Variants in ANKFN1 observed in about 807,000 individuals in gnomAD.
The protein encoded by ANKFN1 is ankyrin repeat and fibronectin type III domain containing 1.
ANKFN1 carries 74 observed loss-of-function variants against 108.7 expected under a neutral mutation model. The observed-to-expected ratio is 0.68, with a 90% CI of 0.56 to 0.83. ANKFN1 has a LOEUF of 0.83. Ranked by LOEUF, ANKFN1 falls within the 40% of genes least tolerant of loss-of-function variation. The pLI is 0.00. For synonymous variants in ANKFN1, 547 were observed against 516.2 expected (o/e 1.06, Z -0.81); for missense variants, 1,505 against 1,382.3 (o/e 1.09, Z -1.41).
intron 4 of ANKFN1, among the ~76,000 whole-genome samples, chr17:56,131,645 C>A (rs911820230): frequency 3.9e-5 from 6 of 152,120 alleles, no homozygotes; most frequent in Admixed American, 3.9e-4. Context: ...CTTCTGGACA[C>A]GGATGTAGCA....
At chr17:56,307,194 A>C (rs974514277) in intron 3 of ANKFN1, among the ~76,000 whole-genome samples, 10 of 152,212 alleles carry the variant, frequency 6.6e-5, no homozygotes, top group South Asian at 2.1e-4. Flanking sequence ...AAAACACCAA[A>C]AGCAATGGCA....
chr17:56,421,603 G>A (rs754309692), intron 8 of ANKFN1, among the ~76,000 whole-genome samples: 10 of 152,124 alleles, frequency 6.6e-5, no homozygotes, highest in Non-Finnish European at 1.2e-4. Flanking sequence ...TAATGCATTA[G>A]TACGCATACC....
chr17:56,246,196 T>G (rs530687830), intron 3 of ANKFN1, among the ~76,000 whole-genome samples: 138 of 152,264 alleles, frequency 9.1e-4, no homozygotes, highest in African/African-American at 2.9e-3. Context: ...CCTAATTTGC[T>G]TGTTTGGAGC....
intron 10 of ANKFN1, among the ~76,000 whole-genome samples, chr17:56,443,377 A>C (rs1208080083): frequency 6.6e-6 from 1 of 152,156 alleles, no homozygotes; most frequent in Non-Finnish European, 1.5e-5. Flanking sequence ...AAAGAAAAAA[A>C]CAAAAACCAA....
chr17:56,363,185 C>T (rs2046570242), intron 6 of ANKFN1, among the ~76,000 whole-genome samples: 1 of 152,034 alleles, frequency 6.6e-6, no homozygotes, highest in Admixed American at 6.6e-5. Context: ...GATCGCACCA[C>T]AGCACTCCAG....
At position 56,392,910 on chromosome 17, in the gene ANKFN1, G is replaced by A. The variant is rs138707126; in HGVS notation, c.910+18196G>A. Among the ~76,000 whole-genome samples the A allele has an allele frequency of 3.1e-4, 47 of 152,142 alleles. No individual in the cohort carries two copies. In the East Asian group the frequency reaches 8.9e-3, roughly 29 times the overall value. Reference sequence around the variant, plus strand: ...GTGCCAGCTCTTGTCATATGCAAAAGCTCCCTGATGACTTTCCACTGATTT... The same window carrying A: ...GTGCCAGCTCTTGTCATATGCAAAAACTCCCTGATGACTTTCCACTGATTT... On this transcript the variant is annotated intron_variant, in intron 8 of 20. Transcript: ENST00000682825.
intron 3 of ANKFN1, among the ~76,000 whole-genome samples, chr17:56,322,411 A>T (rs1004698279): frequency 3.9e-5 from 6 of 152,216 alleles, no homozygotes; most frequent in South Asian, 2.1e-4. Flanking sequence ...ACCACTATCC[A>T]CAATGGCCAG....
chr17:56,380,426 A>T (rs143058642), intron 8 of ANKFN1, among the ~76,000 whole-genome samples: 3 of 152,218 alleles, frequency 2.0e-5, no homozygotes, highest in Admixed American at 6.5e-5. Context: ...AGTGCCAGAC[A>T]GTGGGCGCAG....
intron 8 of ANKFN1, among the ~76,000 whole-genome samples, chr17:56,379,936 G>A (rs1011741030): frequency 6.6e-6 from 1 of 152,184 alleles, no homozygotes; most frequent in African/African-American, 2.4e-5. Flanking sequence ...GGTAAGGCAA[G>A]TTCCTCCCCA....
intron 8 of ANKFN1, among the ~76,000 whole-genome samples, chr17:56,427,317 G>A (rs972399427): frequency 6.6e-6 from 1 of 152,084 alleles, no homozygotes; most frequent in Non-Finnish European, 1.5e-5. Flanking sequence ...AGAGGGGGAG[G>A]AGGAGAAACA....
chr17:56,510,525 C>T lies in ANKFN1; in HGVS notation c.2697C>T (p.Thr899=). 1 of 1,536,186 alleles carries T rather than the reference C, an allele frequency of 6.5e-7. No individual in the cohort carries two copies. Among genetic ancestry groups the T allele is most frequent in the Non-Finnish European group, 8.7e-7 (1 of 1,146,914 alleles). Residue 899 remains threonine, a synonymous_variant, in exon 21 of 21, where the codon ACC becomes ACT. Transcript: ENST00000682825. The part of the protein sequence containing the change: ...EEACSEVFLP[T]NSDYDSSDAL... ...CCTGCTCAGAAGTCTTCCTCCCCAC[C>T]AACAGTGACTACGACTCCAGCGATG...
chr17:56,495,766 A>AATAGAAAC (rs2035414580), intron 19 of ANKFN1, among the ~76,000 whole-genome samples: 2 of 152,198 alleles, frequency 1.3e-5, no homozygotes, highest in South Asian at 4.1e-4. Flanking sequence ...CCTAAGCTGT[A>AATAGAAAC]ATAGAAACAC....
chr17:56,325,313 G>A (rs2045485106), intron 3 of ANKFN1, among the ~76,000 whole-genome samples: 1 of 148,068 alleles, frequency 6.8e-6, no homozygotes, highest in Non-Finnish European at 1.5e-5. Context: ...GTATTCATAT[G>A]TGCTATCAAT....
intron 4 of ANKFN1, among the ~76,000 whole-genome samples, chr17:56,058,739 C>A (rs1178060162): frequency 2.6e-5 from 4 of 152,184 alleles, no homozygotes; most frequent in South Asian, 2.1e-4. Context: ...CCAGCTTCAT[C>A]CACGTCCCTG....
At chr17:56,220,922 G>A (rs1300057783) in intron 2 of ANKFN1, among the ~76,000 whole-genome samples, 1 of 149,302 alleles carries the variant, frequency 6.7e-6, no homozygotes, top group Non-Finnish European at 1.5e-5. Context: ...GGGGGAGGGA[G>A]GAACGAACGA....
intron 15 of ANKFN1, chr17:56,471,024 CTATA>C: frequency 6.6e-6 from 1 of 152,306 alleles, no homozygotes; most frequent in East Asian, 1.9e-4. Flanking sequence ...CACATGTGTA[CTATA>C]TATTCAACTT....
At chr17:56,189,953 A>G (rs528023176) in intron 1 of ANKFN1, among the ~76,000 whole-genome samples, 3 of 151,450 alleles carry the variant, frequency 2.0e-5, no homozygotes, top group Non-Finnish European at 4.4e-5. Flanking sequence ...ACAAAAAGAC[A>G]GCCCTTTCAA....
intron 8 of ANKFN1, among the ~76,000 whole-genome samples, chr17:56,381,336 A>G (rs556529083): frequency 3.8e-4 from 58 of 152,294 alleles, no homozygotes; most frequent in Middle Eastern, 6.8e-3. Context: ...AAAAATGGGG[A>G]AAAAACAGAG....
At chr17:56,375,533 A>G (rs2046923426) in intron 8 of ANKFN1, among the ~76,000 whole-genome samples, 2 of 152,328 alleles carry the variant, frequency 1.3e-5, no homozygotes, top group East Asian at 3.9e-4. Context: ...AATTCAGCAG[A>G]GCCATTGAAT....
Sources: allele counts gnomAD v4.1 joint callset (sites outside exome capture counted in the v4.1 genomes callset), GRCh38; gene constraint gnomAD v4.1.1; transcripts MANE v1.5; gene names NCBI Gene and HGNC (gene_info 2026-07-23, HGNC 2026-07-21).